Variants in CSTPP1 observed in about 807,000 individuals in gnomAD.
CSTPP1 encodes the protein centriolar satellite-associated tubulin polyglutamylase complex regulator 1.
the CSTPP1 span, among the ~76,000 whole-genome samples, chr11:47,029,616 A>C: frequency 7.2e-6 from 1 of 139,794 alleles, no homozygotes; most frequent in Non-Finnish European, 1.6e-5. Flanking sequence ...ACTCTATCTC[A>C]AAAAAAAAAA....
At chr11:47,153,638 A>C in the CSTPP1 span, among the ~76,000 whole-genome samples, 1 of 152,208 alleles carries the variant, frequency 6.6e-6, no homozygotes, top group Non-Finnish European at 1.5e-5. Context: ...TTGTTGTGGG[A>C]TAAAATTTAA....
the CSTPP1 span, among the ~76,000 whole-genome samples, chr11:47,085,017 T>A: frequency 7.2e-5 from 11 of 152,112 alleles, no homozygotes; most frequent in Admixed American, 7.2e-4. Flanking sequence ...CTGACCAACA[T>A]GGAGAAACCC....
the CSTPP1 span, among the ~76,000 whole-genome samples, chr11:46,945,206 C>T: frequency 6.6e-6 from 1 of 152,052 alleles, no homozygotes; most frequent in African/African-American, 2.4e-5. Context: ...CAGAAATTCT[C>T]TTAGGGCCTT....
At chr11:47,034,621 C>T in the CSTPP1 span, among the ~76,000 whole-genome samples, 2 of 151,848 alleles carry the variant, frequency 1.3e-5, no homozygotes, top group Non-Finnish European at 2.9e-5. Flanking sequence ...ATGCTTCAGC[C>T]TCTTTAGTAG....
chr11:47,143,934 G>A, the CSTPP1 span, among the ~76,000 whole-genome samples: 13 of 152,164 alleles, frequency 8.5e-5, no homozygotes, highest in East Asian at 1.9e-4. Flanking sequence ...TGTCATAATC[G>A]TTAGAAATGG....
chr11:47,163,476 G>A, the CSTPP1 span, among the ~76,000 whole-genome samples: 1 of 152,132 alleles, frequency 6.6e-6, no homozygotes, highest in Non-Finnish European at 1.5e-5. Context: ...CAGACCAGTG[G>A]TCTGTAACTA....
At chr11:47,048,661 G>A in the CSTPP1 span, among the ~76,000 whole-genome samples, 2 of 151,900 alleles carry the variant, frequency 1.3e-5, no homozygotes, top group African/African-American at 4.8e-5. Context: ...TAGAGGTTAT[G>A]AGGGTCTGGG....
chr11:47,137,639 CTTCAGA>C, the CSTPP1 span: 13 of 1,614,176 alleles, frequency 8.1e-6, no homozygotes, highest in Non-Finnish European at 1.0e-5. Context: ...TCCATTTCCA[CTTCAGA>C]TTTGCTGACC....
At chr11:47,121,471 AAAAAAATTCC>A in the CSTPP1 span, among the ~76,000 whole-genome samples, 1 of 152,218 alleles carries the variant, frequency 6.6e-6, no homozygotes. Flanking sequence ...AGATACCTGA[AAAAAAATTCC>A]ATTATTCTCA....
chr11:47,110,044 C>A, the CSTPP1 span, among the ~76,000 whole-genome samples: 1 of 152,188 alleles, frequency 6.6e-6, no homozygotes, highest in Admixed American at 6.5e-5. Flanking sequence ...ATGAGCCTGG[C>A]ACAGCCATCT....
the CSTPP1 span, among the ~76,000 whole-genome samples, chr11:47,043,590 G>A: frequency 6.6e-6 from 1 of 152,130 alleles, no homozygotes; most frequent in Admixed American, 6.5e-5. Context: ...GAACTTATAC[G>A]CTGAAATTCT....
the CSTPP1 span, among the ~76,000 whole-genome samples, chr11:46,997,360 T>TTG: frequency 2.0e-5 from 3 of 152,232 alleles, no homozygotes; most frequent in African/African-American, 2.4e-5. Context: ...CTACTGAAGC[T>TTG]TGTGTGTGTG....
chr11:46,954,010 G>A, the CSTPP1 span, among the ~76,000 whole-genome samples: 1 of 152,112 alleles, frequency 6.6e-6, no homozygotes, highest in Non-Finnish European at 1.5e-5. Context: ...ATTAGCTACT[G>A]GGGGAAAGAA....
At chr11:47,034,411 A>G in the CSTPP1 span, among the ~76,000 whole-genome samples, 3 of 152,112 alleles carry the variant, frequency 2.0e-5, no homozygotes, top group Non-Finnish European at 4.4e-5. Flanking sequence ...TTCCTTACTA[A>G]TAAGTGTCCT....
At chr11:47,104,757 C>T in the CSTPP1 span, among the ~76,000 whole-genome samples, 2 of 152,156 alleles carry the variant, frequency 1.3e-5, no homozygotes, top group Non-Finnish European at 2.9e-5. Flanking sequence ...TTTCATAAGG[C>T]CCCAGTTACA....
chr11:47,135,285 A>C, the CSTPP1 span, among the ~76,000 whole-genome samples: 1 of 152,124 alleles, frequency 6.6e-6, no homozygotes, highest in African/African-American at 2.4e-5. Flanking sequence ...CATCTCTCTT[A>C]CACTTGACTT....
chr11:47,125,249 C>G, the CSTPP1 span, among the ~76,000 whole-genome samples: 1 of 152,202 alleles, frequency 6.6e-6, no homozygotes, highest in East Asian at 1.9e-4. Context: ...TGTTTCTGTT[C>G]CTTACGTCTG....
chr11:47,161,642 G>T, the CSTPP1 span: 1 of 1,607,410 alleles, frequency 6.2e-7, no homozygotes, highest in Non-Finnish European at 8.5e-7. Context: ...GACTTGAGGA[G>T]TCCAAAGGGT....
At chr11:47,062,850 T>C in the CSTPP1 span, among the ~76,000 whole-genome samples, 1 of 152,202 alleles carries the variant, frequency 6.6e-6, no homozygotes, top group African/African-American at 2.4e-5. Flanking sequence ...TCAGTTTCAC[T>C]TGAAGAATGG....
Sources: allele counts gnomAD v4.1 joint callset (sites outside exome capture counted in the v4.1 genomes callset), GRCh38; gene constraint gnomAD v4.1.1; transcripts MANE v1.5; gene names NCBI Gene and HGNC (gene_info 2026-07-23, HGNC 2026-07-21).